Variants in FRYL observed in about 807,000 individuals in gnomAD.
FRYL encodes FRY like transcription coactivator.
A neutral mutation model predicts 351.2 loss-of-function variants in FRYL; 150 were observed. That is an observed-to-expected ratio of 0.43 (90% CI 0.37 to 0.49). The LOEUF (loss-of-function observed/expected upper bound fraction) is 0.49, where lower values mean the gene tolerates loss of function less well. FRYL is among the 20% of genes least tolerant of loss of function. The probability of loss-of-function intolerance (pLI) is 0.00; values close to 1 mark genes in which losing one functional copy is unlikely to be tolerated. For synonymous variants in FRYL, 1,153 were observed against 1,257.1 expected (o/e 0.92, Z 1.75); for missense variants, 3,036 against 3,619.3 (o/e 0.84, Z 4.13).
intron 3 of FRYL, chr4:48,681,177 T>TA: frequency 3.6e-6 from 3 of 825,296 alleles, no homozygotes; most frequent in Non-Finnish European, 4.6e-6. Context: ...AAGGTGCCTA[T>TA]ACCAACTTCC....
intron 11 of FRYL, among the ~76,000 whole-genome samples, chr4:48,605,087 C>G (rs1578313283): frequency 6.6e-6 from 1 of 152,054 alleles, no homozygotes. Context: ...ATAAAATGAG[C>G]CCAATTCATA....
At chr4:48,690,081 A>G (rs1473092129) in intron 2 of FRYL, among the ~76,000 whole-genome samples, 2 of 134,834 alleles carry the variant, frequency 1.5e-5, no homozygotes, top group Admixed American at 1.5e-4. Flanking sequence ...TTTTTTTTGT[A>G]TTTTTAGTAG....
intron 1 of FRYL, among the ~76,000 whole-genome samples, chr4:48,768,451 A>T (rs1438153378): frequency 6.6e-6 from 1 of 152,202 alleles, no homozygotes; most frequent in East Asian, 1.9e-4. Flanking sequence ...TTCAGAAGAA[A>T]ACAGAGGCGA....
intron 3 of FRYL, among the ~76,000 whole-genome samples, chr4:48,654,753 T>A (rs1758464407): frequency 1.3e-5 from 2 of 152,232 alleles, no homozygotes; most frequent in African/African-American, 4.8e-5. Context: ...ACTACACATT[T>A]GTAAAACTTT....
chr4:48,551,367 A>C (rs1220579003), intron 37 of FRYL, 127 bp downstream of exon 37: 1 of 549,688 alleles, frequency 1.8e-6, no homozygotes, highest in Admixed American at 3.7e-5. Context: ...CAGCATGGAA[A>C]TATATTTTTT....
chr4:48,543,734 C>G, intron 44 of FRYL, 73 bp downstream of exon 44: 1 of 1,304,342 alleles, frequency 7.7e-7, no homozygotes. Context: ...CTAGCTATAG[C>G]AATCTATATG....
intron 55 of FRYL, among the ~76,000 whole-genome samples, chr4:48,520,040 A>AT (rs1240897922): frequency 2.0e-5 from 3 of 152,264 alleles, no homozygotes; most frequent in African/African-American, 4.8e-5. Flanking sequence ...CTGAAATGAA[A>AT]TTTTTTTAAA....
intron 2 of FRYL, among the ~76,000 whole-genome samples, chr4:48,702,455 C>CAAAAAA (rs34675617): frequency 1.7e-4 from 5 of 29,450 alleles, no homozygotes; most frequent in Non-Finnish European, 1.7e-4. Context: ...GACTCTGTCT[C>CAAAAAA]AAAAAAAAAA....
chr4:48,757,592 G>T (rs1033160823), intron 1 of FRYL, among the ~76,000 whole-genome samples: 14 of 152,220 alleles, frequency 9.2e-5, no homozygotes, highest in Non-Finnish European at 1.6e-4. Flanking sequence ...AATAAAAGAG[G>T]ATACAAACAA....
At chr4:48,509,451 ACTT>A (rs367576639) in intron 59 of FRYL, among the ~76,000 whole-genome samples, 16 of 152,366 alleles carry the variant, frequency 1.1e-4, no homozygotes, top group African/African-American at 3.6e-4. Flanking sequence ...GATATTTACT[ACTT>A]ATTAATGAAA....
At chr4:48,543,483 C>A (rs1487702416) in intron 44 of FRYL, among the ~76,000 whole-genome samples, 3 of 152,130 alleles carry the variant, frequency 2.0e-5, no homozygotes, top group Non-Finnish European at 1.5e-5. Context: ...GCATAAAATT[C>A]AATGCTCCAC....
intron 33 of FRYL, among the ~76,000 whole-genome samples, chr4:48,560,889 C>A (rs1735349700): frequency 6.6e-6 from 1 of 152,134 alleles, no homozygotes; most frequent in African/African-American, 2.4e-5. Flanking sequence ...ATCTCTTGAG[C>A]CCAAATGAAA....
At chr4:48,601,485 G>A (rs1476986871) in intron 13 of FRYL, among the ~76,000 whole-genome samples, 1 of 152,156 alleles carries the variant, frequency 6.6e-6, no homozygotes, top group East Asian at 1.9e-4. Context: ...GCTGAATATG[G>A]ATGTGCCAAA....
chr4:48,554,999 T>C (rs1000382275), intron 35 of FRYL, among the ~76,000 whole-genome samples: 15 of 152,360 alleles, frequency 9.8e-5, no homozygotes, highest in African/African-American at 3.4e-4. Context: ...TCTGTAAAAC[T>C]GCAGTGATCT....
At chr4:48,634,603 A>G (rs1753868716) in intron 3 of FRYL, 113 bp from the exon 4 acceptor site, 4 of 657,944 alleles carry the variant, frequency 6.1e-6, no homozygotes, top group African/African-American at 1.8e-5. Context: ...AGTTCTCCCA[A>G]TCTCCTCTAC....
At chr4:48,554,045 A>G (rs1212468941) in intron 35 of FRYL, among the ~76,000 whole-genome samples, 4 of 152,250 alleles carry the variant, frequency 2.6e-5, no homozygotes, top group African/African-American at 7.2e-5. Context: ...GTAACACAGT[A>G]TAAGTAGAAA....
At chr4:48,659,397 A>G (rs774844665) in intron 3 of FRYL, among the ~76,000 whole-genome samples, 1 of 3,498 alleles carries the variant, frequency 2.9e-4, no homozygotes, top group African/African-American at 3.3e-4. Context: ...AAGGAGAAGA[A>G]GGAGAAGGAG....
At chr4:48,685,760 CT>C (rs1285238717) in intron 2 of FRYL, among the ~76,000 whole-genome samples, 4,162 of 143,100 alleles carry the variant, frequency 0.029, 65 homozygotes, top group Admixed American at 0.05. Flanking sequence ...GTTTTCTTGG[CT>C]TTTTTTTTTT....
Position 48,557,071 on chromosome 4 carries a change from T to G in FRYL, c.4173A>C (p.Thr1391=). 1 of 1,608,130 alleles carries G rather than the reference T, an allele frequency of 6.2e-7. No individual in the cohort carries two copies. Among genetic ancestry groups the G allele is most frequent in the Non-Finnish European group, 8.5e-7 (1 of 1,177,300 alleles). Residue 1391 remains threonine (T), a synonymous_variant, in exon 35 of 64, where the codon ACA becomes ACC. Transcript: ENST00000358350. ...AWSEVENVWT[T]LADGWPKNLK... ...GGTTTTTGGGCCAGCCATCTGCAAG[T>G]GTGGTCCACACATTCTCCACCTCCG...
Sources: gnomAD v4.1 joint callset for allele counts (sites outside exome capture counted in the v4.1 genomes callset) on GRCh38, gnomAD v4.1.1 for gene constraint, MANE v1.5 for transcripts, NCBI Gene and HGNC (gene_info 2026-07-23, HGNC 2026-07-21) for gene names.